ATXN1: variants seen among roughly 807,000 people sequenced by gnomAD.
ATXN1 encodes ataxin-1.
In ATXN1, 8 loss-of-function variants were observed where a neutral mutation model predicts 56.4. The observed-to-expected ratio is 0.14, with a 90% CI of 0.08 to 0.26. ATXN1 has a LOEUF of 0.26. ATXN1 is among the 10% of genes least tolerant of loss of function. The pLI, the probability that ATXN1 is intolerant of heterozygous loss-of-function variation, is 1.00. For synonymous variants in ATXN1, 514 were observed against 494.6 expected (o/e 1.04, Z -0.52); for missense variants, 987 against 1,106.5 (o/e 0.89, Z 1.53).
chr6:16,316,045 C>A (rs1760500373), intron 7 of ATXN1, among the ~76,000 whole-genome samples: 1 of 152,196 alleles, frequency 6.6e-6, no homozygotes, highest in Admixed American at 6.5e-5. Flanking sequence ...AGTCCATGGC[C>A]TGTTAGGTAC....
intron 2 of ATXN1, chr6:16,739,803 A>G (rs770711104): frequency 5.5e-5 from 25 of 456,476 alleles, no homozygotes; most frequent in African/African-American, 2.6e-4. Context: ...GTGACACATT[A>G]TGCCTCCTGG....
intron 2 of ATXN1, among the ~76,000 whole-genome samples, chr6:16,721,628 T>TA (rs560970569): frequency 1.3e-5 from 2 of 152,214 alleles, no homozygotes; most frequent in East Asian, 1.9e-4. Flanking sequence ...CCCTGCCTCT[T>TA]AAAAAATAAA....
At position 16,328,044 on chromosome 6, in the gene ATXN1, C is replaced by T. The variant is rs146853248; in HGVS notation, c.267G>A (p.Pro89=). ...KALSTGLDYS[P]PSAPRSVPVA... ...CGGGGACAGACCTGGGAGCGCTGGG[C>T]GGGGAGTAGTCCAGCCCTGTGGACA... The change falls in exon 7 of 8, where the codon CCG becomes CCA. Residue 89 remains proline (P), a synonymous_variant. Coordinates refer to ENST00000436367, the MANE Select transcript of ATXN1 (RefSeq NM_001128164.2). This position sits in a 1 kb window ranked among gnomAD's most constrained non-coding sequence, Gnocchi z 6.2. The T allele has an allele frequency of 1.2e-5, 20 of 1,613,526 alleles. No homozygotes were observed. The highest frequency in any genetic ancestry group is 8.9e-5 in the East Asian group (4 of 44,884).
intron 2 of ATXN1, among the ~76,000 whole-genome samples, chr6:16,714,330 C>T: frequency 6.6e-6 from 1 of 152,076 alleles, no homozygotes; most frequent in East Asian, 1.9e-4. Context: ...AGAGCATCCG[C>T]TGACTGAAAT....
intron 2 of ATXN1, among the ~76,000 whole-genome samples, chr6:16,720,399 C>T (rs1759722874): frequency 6.6e-6 from 1 of 152,230 alleles, no homozygotes; most frequent in Non-Finnish European, 1.5e-5. Context: ...GGGACTTAGA[C>T]AACCTTGTTT....
intron 6 of ATXN1, among the ~76,000 whole-genome samples, chr6:16,336,356 A>G (rs941778637): frequency 5.3e-5 from 8 of 152,190 alleles, no homozygotes; most frequent in Admixed American, 5.2e-4. Context: ...AGGGGAAAAG[A>G]TGTCTAGGGG....
chr6:16,678,266 T>TA (rs1282881892), intron 2 of ATXN1, among the ~76,000 whole-genome samples: 8 of 56,038 alleles, frequency 1.4e-4, no homozygotes, highest in Admixed American at 1.0e-3. Flanking sequence ...TCTATTTTAA[T>TA]TCTTTTGATT....
intron 6 of ATXN1, among the ~76,000 whole-genome samples, chr6:16,376,901 A>G (rs1762151047): frequency 6.6e-6 from 1 of 152,270 alleles, no homozygotes; most frequent in African/African-American, 2.4e-5. Context: ...TTGTATGCAG[A>G]GAGCTGCAGA....
chr6:16,393,592 A>G (rs1299842722), intron 6 of ATXN1, among the ~76,000 whole-genome samples: 1 of 152,234 alleles, frequency 6.6e-6, no homozygotes, highest in Non-Finnish European at 1.5e-5. Flanking sequence ...TTGCCTACAA[A>G]TATGTCTACC....
chr6:16,549,624 G>A (rs1031468401), intron 4 of ATXN1, among the ~76,000 whole-genome samples: 2 of 152,134 alleles, frequency 1.3e-5, no homozygotes, highest in African/African-American at 4.8e-5. Context: ...CTGGCCAGGT[G>A]CAGCGGCTTA....
intron 2 of ATXN1, among the ~76,000 whole-genome samples, chr6:16,685,916 T>C (rs1392136205): frequency 1.3e-5 from 2 of 152,224 alleles, no homozygotes; most frequent in Non-Finnish European, 1.5e-5. Context: ...TTCTTAAAAA[T>C]GGAATATTTC....
intron 7 of ATXN1, among the ~76,000 whole-genome samples, chr6:16,316,380 C>T (rs1760508742): frequency 6.6e-6 from 1 of 152,164 alleles, no homozygotes; most frequent in African/African-American, 2.4e-5. Flanking sequence ...TGTTTTGCCT[C>T]TTTCCCCAAA....
chr6:16,688,341 A>T (rs115172870), intron 2 of ATXN1, among the ~76,000 whole-genome samples: 337 of 152,348 alleles, frequency 2.2e-3, no homozygotes, highest in Non-Finnish European at 4.1e-3. Context: ...TAAATGAAGA[A>T]ACAATAGTTG....
intron 1 of ATXN1, among the ~76,000 whole-genome samples, chr6:16,755,399 C>T (rs375604353): frequency 6.6e-6 from 1 of 151,882 alleles, no homozygotes; most frequent in Non-Finnish European, 1.5e-5. Context: ...ATAATATACA[C>T]CAAAAATGGA....
At position 16,594,513 on chromosome 6, in the gene ATXN1, T is replaced by A. The variant is rs576108721; in HGVS notation, c.-488-8606A>T. On this transcript the variant is annotated intron_variant, in intron 3 of 7. Transcript: ENST00000436367. ...TTTATTTATTTTTTGAGACGGAGTC[T>A]CATTCTGTCGCCAGGCTGGAGTGCA... 4.6e-5 allele frequency among the ~76,000 whole-genome samples: 7 copies of A among 151,248 alleles called. No individual in the cohort carries two copies. In the South Asian group the frequency reaches 1.5e-3, roughly 32 times the overall value.
chr6:16,480,984 A>G (rs1420823914), intron 6 of ATXN1, among the ~76,000 whole-genome samples: 1 of 152,192 alleles, frequency 6.6e-6, no homozygotes, highest in Non-Finnish European at 1.5e-5. Context: ...CCCATCCCAA[A>G]TAACACACCA....
chr6:16,317,716 G>A (rs556805739), intron 7 of ATXN1, among the ~76,000 whole-genome samples: 5 of 151,122 alleles, frequency 3.3e-5, no homozygotes, highest in Admixed American at 1.3e-4. Flanking sequence ...GGGGTGGACC[G>A]CCTCCCACCC....
At chr6:16,399,888 G>A (rs945718999) in intron 6 of ATXN1, among the ~76,000 whole-genome samples, 2 of 152,180 alleles carry the variant, frequency 1.3e-5, no homozygotes, top group African/African-American at 4.8e-5. Flanking sequence ...TGCAGCCAGA[G>A]AATTTTCCAT....
At chr6:16,629,543 C>A (rs986667608) in intron 3 of ATXN1, among the ~76,000 whole-genome samples, 6 of 152,118 alleles carry the variant, frequency 3.9e-5, no homozygotes, top group Admixed American at 3.9e-4. Flanking sequence ...GTTTGCAAGG[C>A]TGGTCTCTAA....
Sources: gnomAD v4.1 joint callset for allele counts (sites outside exome capture counted in the v4.1 genomes callset) on GRCh38, gnomAD v4.1.1 for gene constraint, Gnocchi (gnomAD v3.1) non-coding constraint, MANE v1.5 for transcripts, NCBI Gene and HGNC (gene_info 2026-07-23, HGNC 2026-07-21) for gene names.